The following PRMT7 variants were observed in gnomAD, a reference collection of about 807,000 sequenced individuals.
PRMT7 encodes protein arginine methyltransferase 7, also known as protein arginine N-methyltransferase 7.
Under a neutral mutation model 85.4 loss-of-function variants are expected in PRMT7, and 75 were observed. The ratio of observed to expected loss-of-function variants is 0.88; its 90% CI spans 0.73 to 1.06. The LOEUF (loss-of-function observed/expected upper bound fraction) is 1.06, where lower values mean the gene tolerates loss of function less well. Among genes scored for constraint, PRMT7 ranks in the 50% least tolerant of loss-of-function variants. The pLI, the probability that PRMT7 is intolerant of heterozygous loss-of-function variation, is 0.00. For missense variants in PRMT7, 868 were observed against 915.2 expected (o/e 0.95, Z 0.67); for synonymous variants, 397 against 359.5 (o/e 1.10, Z -1.18).
intron 9 of PRMT7, among the ~76,000 whole-genome samples, chr16:68,345,174 A>G (rs1358235702): frequency 6.6e-6 from 1 of 152,246 alleles, no homozygotes; most frequent in Non-Finnish European, 1.5e-5. Context: ...AGTCCTTGAT[A>G]GCTTTTGTTT....
In PRMT7 at chr16:68,336,558, C is replaced by T. The variant is rs529908313; in HGVS notation, c.392-901C>T. On this transcript the variant is annotated intron_variant, in intron 6 of 18. Transcript: ENST00000441236. ...CTCCCTGCAACCTAGAAGTATTTGACATACCAGCATTCTGTTTTTGCTTTT... is the reference window on the plus strand; with the variant it reads ...CTCCCTGCAACCTAGAAGTATTTGATATACCAGCATTCTGTTTTTGCTTTT... Among the ~76,000 whole-genome samples the T allele has an allele frequency of 2.6e-5, 4 of 152,342 alleles. No homozygotes were observed. In the South Asian group the frequency reaches 8.3e-4, roughly 32 times the overall value.
At chr16:68,328,511 CAAA>C (rs55740206) in intron 5 of PRMT7, 21 of 55,204 alleles carry the variant, frequency 3.8e-4, no homozygotes, top group East Asian at 1.1e-3. Context: ...GTATGTATAG[CAAA>C]AAAAAAAAAA....
intron 7 of PRMT7, among the ~76,000 whole-genome samples, chr16:68,337,996 C>T (rs190220129): frequency 1.3e-5 from 2 of 152,042 alleles, no homozygotes; most frequent in African/African-American, 2.4e-5. Flanking sequence ...GAGAGATGGG[C>T]TTAGCAACTG....
Position 68,324,740 on chromosome 16 carries a change from C to G in PRMT7, c.190C>G (p.Gln64Glu). 3.1e-6 allele frequency: 5 copies of G among 1,614,108 alleles called. No individual in the cohort carries two copies. The South Asian group carries it at 5.5e-5, about 18-fold the overall frequency. ...AAVSRVKDRG[Q>E]KALVLDIGTG... Reference sequence around the variant, plus strand: ...CGTGAGCAGGGTGAAGGACAGAGGACAGAAGGCCTTGGTTCTCGACATTGG... The same window carrying G: ...CGTGAGCAGGGTGAAGGACAGAGGAGAGAAGGCCTTGGTTCTCGACATTGG... Residue 64 changes from glutamine to glutamate, a missense_variant, in exon 5 of 19, where the codon CAG becomes GAG. Gln to Glu is a conservative substitution (Grantham distance 29, BLOSUM62 2). Transcript: ENST00000441236.
intron 6 of PRMT7, among the ~76,000 whole-genome samples, chr16:68,332,653 G>C (rs1327179913): frequency 6.6e-6 from 1 of 152,146 alleles, no homozygotes; most frequent in Non-Finnish European, 1.5e-5. Context: ...CATTCTGAAG[G>C]CTTTTTTTCT....
At chr16:68,334,679 A>G (rs1597309521) in intron 6 of PRMT7, among the ~76,000 whole-genome samples, 3 of 152,174 alleles carry the variant, frequency 2.0e-5, no homozygotes, top group Admixed American at 6.5e-5. Flanking sequence ...TGGGGTGGCT[A>G]CCTGCTTCAG....
intron 6 of PRMT7, among the ~76,000 whole-genome samples, chr16:68,335,384 C>T (rs2084520087): frequency 6.6e-6 from 1 of 151,900 alleles, no homozygotes; most frequent in East Asian, 1.9e-4. Context: ...GGCAGAAACC[C>T]TGGAGGGAGG....
intron 6 of PRMT7, among the ~76,000 whole-genome samples, chr16:68,330,975 A>G (rs564140874): frequency 3.3e-5 from 5 of 152,316 alleles, no homozygotes; most frequent in Middle Eastern, 6.8e-3. Flanking sequence ...TATGATTTAC[A>G]TTAAATGAAT....
intron 2 of PRMT7, 63 bp downstream of exon 2, chr16:68,312,239 T>G (rs1187892879): frequency 3.6e-5 from 5 of 138,788 alleles, no homozygotes; most frequent in African/African-American, 1.3e-4. Flanking sequence ...ATTTTTTTTT[T>G]TAAGACAGGG....
At chr16:68,311,557 T>A (rs1035289405) in intron 1 of PRMT7, 4 of 152,682 alleles carry the variant, frequency 2.6e-5, no homozygotes, top group African/African-American at 9.6e-5. Context: ...TGGCTCCCAG[T>A]GCTTTTAGAA....
rs2044683371 is a variant in PRMT7, at chr16:68,315,888, T to C, written c.-83-9T>C. 2 of 1,019,528 alleles carry C rather than the reference T, an allele frequency of 2.0e-6. No individual in the cohort carries two copies. The highest frequency in any genetic ancestry group is 3.1e-6 in the Non-Finnish European group (2 of 652,312). The allele number at this position is 1,019,528 out of a possible 1,614,324, so 63.2% of individuals were successfully genotyped here. ...TTATATACCTCCTGTTTCCTTCTGA[T>C]GTTAATAGATTTCTGACAGTCAGAC... On this transcript the variant is annotated splice_polypyrimidine_tract_variant and intron_variant, in intron 2 of 18. Coordinates refer to ENST00000441236, the MANE Select transcript of PRMT7 (RefSeq NM_019023.5).
intron 3 of PRMT7, among the ~76,000 whole-genome samples, chr16:68,320,909 T>C (rs1039427754): frequency 6.6e-6 from 1 of 152,078 alleles, no homozygotes; most frequent in African/African-American, 2.4e-5. Context: ...TGCCCAATGA[T>C]TGAGGCTGTT....
intron 6 of PRMT7, among the ~76,000 whole-genome samples, chr16:68,334,274 T>G (rs2084340751): frequency 6.6e-6 from 1 of 152,218 alleles, no homozygotes; most frequent in Non-Finnish European, 1.5e-5. Context: ...GTGAGTAGAT[T>G]GTCAGTTGTG....
intron 3 of PRMT7, among the ~76,000 whole-genome samples, chr16:68,317,123 A>G (rs1021478285): frequency 1.3e-5 from 2 of 150,542 alleles, no homozygotes; most frequent in African/African-American, 2.5e-5. Flanking sequence ...CTGTAATCCC[A>G]GGTACTCGGG....
chr16:68,348,498 C>G, intron 14 of PRMT7, 67 bp downstream of exon 14: 1 of 1,303,936 alleles, frequency 7.7e-7, no homozygotes, highest in Middle Eastern at 1.9e-4. Flanking sequence ...ACTGAAGTAG[C>G]CCAGGCCCCA....
chr16:68,329,244 G>A, intron 6 of PRMT7, 70 bp downstream of exon 6: 3 of 1,206,452 alleles, frequency 2.5e-6, no homozygotes, highest in Non-Finnish European at 3.6e-6. Context: ...GGTTATTCCA[G>A]TTACCTGGAA....
chr16:68,311,862 A>G (rs371614581), intron 1 of PRMT7, 180 bp from the exon 2 acceptor site: 2 of 151,902 alleles, frequency 1.3e-5, no homozygotes, highest in East Asian at 3.9e-4. Flanking sequence ...TCTTTCTACA[A>G]CGCTCTGTGT....
chr16:68,313,446 C>T (rs1469798632), intron 2 of PRMT7, among the ~76,000 whole-genome samples: 2 of 152,150 alleles, frequency 1.3e-5, no homozygotes, highest in East Asian at 1.9e-4. Flanking sequence ...GACACCTGGT[C>T]CAGTTTTACT....
intron 4 of PRMT7, 30 bp from the exon 5 acceptor site, chr16:68,324,653 G>C: frequency 6.2e-7 from 1 of 1,611,604 alleles, no homozygotes; most frequent in Non-Finnish European, 8.5e-7. Flanking sequence ...TATAATAACT[G>C]GTAGTAAGTG....
Sources: allele counts gnomAD v4.1 joint callset (sites outside exome capture counted in the v4.1 genomes callset), GRCh38; gene constraint gnomAD v4.1.1; transcripts MANE v1.5; gene names NCBI Gene and HGNC (gene_info 2026-07-23, HGNC 2026-07-21).